The following CLASP2 variants were observed in gnomAD, a reference collection of about 807,000 sequenced individuals.
CLASP2 encodes CLIP-associating protein 2.
In CLASP2, 47 loss-of-function variants were observed where a neutral mutation model predicts 194.4. That is an observed-to-expected ratio of 0.24 (90% confidence interval 0.19 to 0.31). CLASP2 has a LOEUF of 0.31. Ranked by LOEUF, CLASP2 falls within the 10% of genes least tolerant of loss-of-function variation. The pLI is 1.00. For synonymous variants in CLASP2, 619 were observed against 633.5 expected, an observed-to-expected ratio of 0.98 and a Z score of 0.34; for missense variants, 1,445 against 1,823.6, an observed-to-expected ratio of 0.79 and a Z score of 3.78.
At chr3:33,539,907 T>C (rs1339179266) in intron 32 of CLASP2, among the ~76,000 whole-genome samples, 1 of 130,142 alleles carries the variant, frequency 7.7e-6, no homozygotes, top group Non-Finnish European at 1.6e-5. Context: ...GGATTTTTAA[T>C]ACTGAATATA....
chr3:33,551,164 C>A, intron 30 of CLASP2, 88 bp downstream of exon 30: 4 of 1,173,748 alleles, frequency 3.4e-6, no homozygotes, highest in Non-Finnish European at 4.8e-6. Flanking sequence ...TTGCTAAGGT[C>A]CTGAAAATAT....
intron 21 of CLASP2, among the ~76,000 whole-genome samples, chr3:33,591,045 A>G (rs546808597): frequency 6.6e-6 from 1 of 151,856 alleles, no homozygotes; most frequent in South Asian, 2.1e-4. Context: ...GAGTGGTGGC[A>G]TGCACCTCTA....
intron 9 of CLASP2, among the ~76,000 whole-genome samples, chr3:33,627,429 A>C (rs1231655451): frequency 6.6e-6 from 1 of 152,164 alleles, no homozygotes; most frequent in East Asian, 1.9e-4. Flanking sequence ...ATTCATATAC[A>C]TATTACCCAA....
chr3:33,622,101 T>TA (rs1163374264), intron 11 of CLASP2, 34 bp downstream of exon 11: 4 of 1,480,282 alleles, frequency 2.7e-6, no homozygotes, highest in Non-Finnish European at 3.6e-6. Context: ...AATTCATTCA[T>TA]AAAAAACACT....
intron 6 of CLASP2, among the ~76,000 whole-genome samples, chr3:33,680,106 A>C (rs1370980866): frequency 6.6e-6 from 1 of 152,214 alleles, no homozygotes; most frequent in Admixed American, 6.5e-5. Context: ...ATGTATTATG[A>C]AGTGAAAGAA....
intron 7 of CLASP2, among the ~76,000 whole-genome samples, chr3:33,646,329 G>T (rs1028855521): frequency 5.3e-5 from 8 of 151,856 alleles, no homozygotes; most frequent in African/African-American, 1.9e-4. Flanking sequence ...TTCTATTTCA[G>T]AAAGTGTTTT....
intron 1 of CLASP2, among the ~76,000 whole-genome samples, chr3:33,708,465 TGTGTGG>T (rs1424322587): frequency 1.0e-4 from 12 of 120,296 alleles, no homozygotes; most frequent in African/African-American, 3.2e-4. Context: ...ATGTGTTGTG[TGTGTGG>T]GTGTGTGTGT....
chr3:33,606,172 T>G (rs111237792), intron 16 of CLASP2, among the ~76,000 whole-genome samples: 1 of 151,140 alleles, frequency 6.6e-6, no homozygotes, highest in African/African-American at 2.4e-5. Context: ...CCTTGAGGGA[T>G]TTCCTGAATT....
chr3:33,684,236 A>C, intron 6 of CLASP2, 123 bp downstream of exon 6: 3 of 488,190 alleles, frequency 6.1e-6, no homozygotes, highest in Non-Finnish European at 1.0e-5. Context: ...CAAGAGCAAG[A>C]CTCCATCTCA....
chr3:33,640,012 T>C lies in CLASP2; in HGVS notation c.862+4745A>G, dbSNP rs565433119. Among the ~76,000 whole-genome samples, 43 of 152,308 alleles carry C rather than the reference T, an allele frequency of 2.8e-4. 1 individual carries two copies. Among genetic ancestry groups the C allele is most frequent in the South Asian group, 1.9e-3 (9 of 4,828 alleles). ...CTGAGGCTCAATCTCTTTTCCTGAATCTGGGTCAGATAATCTTTAACGCCC... is the reference window on the plus strand; with the variant it reads ...CTGAGGCTCAATCTCTTTTCCTGAACCTGGGTCAGATAATCTTTAACGCCC... On this transcript the variant is annotated intron_variant, in intron 8 of 38. Transcript: ENST00000682230.
chr3:33,533,816 C>T (rs1413892717), intron 34 of CLASP2, among the ~76,000 whole-genome samples: 2 of 152,090 alleles, frequency 1.3e-5, no homozygotes, highest in Non-Finnish European at 2.9e-5. Flanking sequence ...CCAGGGAGTT[C>T]AAGCGATTCT....
At chr3:33,511,040 T>G (rs1048516484) in intron 36 of CLASP2, among the ~76,000 whole-genome samples, 1 of 150,146 alleles carries the variant, frequency 6.7e-6, no homozygotes, top group Admixed American at 6.6e-5. Context: ...ATTTTTTTTT[T>G]TTTTTTTTTT....
At chr3:33,619,795 C>T in intron 11 of CLASP2, 57 bp from the exon 12 acceptor site, 2 of 1,345,442 alleles carry the variant, frequency 1.5e-6, no homozygotes, top group South Asian at 1.6e-5. Context: ...ATAGATAGAA[C>T]CATATAATTT....
intron 29 of CLASP2, among the ~76,000 whole-genome samples, chr3:33,552,932 T>C (rs568773568): frequency 2.0e-5 from 3 of 152,332 alleles, no homozygotes; most frequent in Admixed American, 6.5e-5. Context: ...GTTGTACCTG[T>C]GCACTTAAGA....
At chr3:33,713,213 A>AAGAC (rs1340558174) in intron 1 of CLASP2, among the ~76,000 whole-genome samples, 5 of 152,068 alleles carry the variant, frequency 3.3e-5, no homozygotes, top group Non-Finnish European at 5.9e-5. Flanking sequence ...TAGTACAGCT[A>AAGAC]AGACATTATA....
intron 8 of CLASP2, among the ~76,000 whole-genome samples, chr3:33,640,298 A>C (rs1276731384): frequency 6.6e-6 from 1 of 152,212 alleles, no homozygotes; most frequent in Non-Finnish European, 1.5e-5. Context: ...GATGGGAAAA[A>C]TGGGAATAAC....
intron 24 of CLASP2, among the ~76,000 whole-genome samples, chr3:33,575,622 A>G (rs923524804): frequency 1.3e-5 from 2 of 152,174 alleles, no homozygotes; most frequent in Non-Finnish European, 2.9e-5. Context: ...ATGTATTGCA[A>G]TCTTCTGACA....
chr3:33,691,037 A>C (rs781320801), intron 2 of CLASP2, among the ~76,000 whole-genome samples: 3 of 152,156 alleles, frequency 2.0e-5, no homozygotes, highest in Non-Finnish European at 4.4e-5. Flanking sequence ...TGAGAATCGA[A>C]TGCTGTGGCT....
intron 18 of CLASP2, chr3:33,602,366 T>G: frequency 1.7e-6 from 1 of 605,690 alleles, no homozygotes; most frequent in Non-Finnish European, 2.9e-6. Context: ...TCAACCTGTA[T>G]TGTGTTCTGG....
Sources: allele counts gnomAD v4.1 joint callset (sites outside exome capture counted in the v4.1 genomes callset), GRCh38; gene constraint gnomAD v4.1.1; transcripts MANE v1.5; gene names NCBI Gene and HGNC (gene_info 2026-07-23, HGNC 2026-07-21).